Variants in GPC6 observed in about 807,000 individuals in gnomAD.
GPC6 encodes the protein glypican 6.
In GPC6, 14 loss-of-function variants were observed where a neutral mutation model predicts 55.2. The ratio of observed to expected loss-of-function variants is 0.25; its 90% CI spans 0.17 to 0.40. The LOEUF is 0.40. Ranked by LOEUF, GPC6 falls within the 10% of genes least tolerant of loss-of-function variation. The pLI is 1.00. For missense variants in GPC6, 641 were observed against 708.5 expected (o/e 0.90, Z 1.08); for synonymous variants, 278 against 259.6 (o/e 1.07, Z -0.68).
intron 6 of GPC6, among the ~76,000 whole-genome samples, chr13:94,309,201 G>A (rs535053267): frequency 6.6e-6 from 1 of 152,252 alleles, no homozygotes; most frequent in South Asian, 2.1e-4. Context: ...TGCTTCCAAG[G>A]ACGATATCAA....
rs1322625602 is a variant in GPC6 at position 93,523,416 on chromosome 13, C to T, written c.161-21847C>T. Among the ~76,000 whole-genome samples, 15 of 148,926 alleles carry T rather than the reference C, an allele frequency of 1.0e-4. No individual in the cohort carries two copies. The Admixed American group carries it at 1.0e-3, about 10-fold the overall frequency. On this transcript the variant is annotated intron_variant, in intron 1 of 8. Transcript: ENST00000377047. The stretch of plus-strand genomic sequence containing the variant: ...ATATATATCCTCTTTTAAATATTAT[C>T]CTTACAGTTGGTGTATGACATTTTA...
intron 3 of GPC6, among the ~76,000 whole-genome samples, chr13:94,025,046 G>A (rs922729836): frequency 2.6e-5 from 4 of 152,136 alleles, no homozygotes; most frequent in Non-Finnish European, 5.9e-5. Flanking sequence ...ACAGTCCTTG[G>A]CATCCAAGAG....
intron 5 of GPC6, among the ~76,000 whole-genome samples, chr13:94,288,894 A>AACAAATATATATATATTTGTT (rs1469554620): frequency 7.7e-6 from 1 of 129,754 alleles, no homozygotes; most frequent in Non-Finnish European, 1.6e-5. Context: ...TAATATATAT[A>AACAAATATATATATATTTGTT]ACAAATATAT....
chr13:94,382,500 A>T lies in GPC6; in HGVS notation c.1239A>T (p.Thr413=), dbSNP rs756654501. The change falls in exon 7 of 9, where the codon ACA becomes ACT. Residue 413 remains threonine, a synonymous_variant. Coordinates refer to ENST00000377047, the MANE Select transcript of GPC6 (RefSeq NM_005708.5). ...CTATCTGCAAGGACGAGAGCGTGAC[A>T]GCGGGCACGTCCAACGAGGAGGAAT... ...PYTICKDESV[T]AGTSNEEECW... The T allele has an allele frequency of 2.5e-6, 4 of 1,614,202 alleles. No homozygotes were observed. Among genetic ancestry groups the T allele is most frequent in the Non-Finnish European group, 3.4e-6 (4 of 1,180,030 alleles).
intron 4 of GPC6, among the ~76,000 whole-genome samples, chr13:94,258,617 G>A (rs533201878): frequency 5.3e-5 from 8 of 152,146 alleles, no homozygotes; most frequent in Non-Finnish European, 1.0e-4. Context: ...TAGGATAGAG[G>A]TATCTTCACG....
chr13:93,434,757 A>C (rs532686378), intron 1 of GPC6, among the ~76,000 whole-genome samples: 3 of 152,170 alleles, frequency 2.0e-5, no homozygotes. Context: ...GCCAGGCTGG[A>C]GTGCAGTGGC....
chr13:93,652,571 T>C (rs1594343677), intron 2 of GPC6, among the ~76,000 whole-genome samples: 1 of 152,318 alleles, frequency 6.6e-6, no homozygotes, highest in South Asian at 2.1e-4. Context: ...TTTTCAACTC[T>C]GTCCCCTTCT....
intron 6 of GPC6, among the ~76,000 whole-genome samples, chr13:94,328,891 T>C (rs1877267314): frequency 6.6e-6 from 1 of 152,110 alleles, no homozygotes; most frequent in Admixed American, 6.5e-5. Flanking sequence ...AAACCAGGGG[T>C]GAACTGCAGA....
intron 2 of GPC6, among the ~76,000 whole-genome samples, chr13:93,692,222 C>A (rs573853517): frequency 6.6e-6 from 1 of 152,180 alleles, no homozygotes; most frequent in African/African-American, 2.4e-5. Flanking sequence ...TGTATTCCAA[C>A]ATGACTGAAT....
At chr13:93,573,984 A>G (rs1031886254) in intron 2 of GPC6, among the ~76,000 whole-genome samples, 2 of 152,168 alleles carry the variant, frequency 1.3e-5, no homozygotes, top group African/African-American at 4.8e-5. Flanking sequence ...ATTGGTCATA[A>G]TAACACCCGA....
intron 1 of GPC6, among the ~76,000 whole-genome samples, chr13:93,438,499 G>C: frequency 6.6e-6 from 1 of 152,250 alleles, no homozygotes; most frequent in East Asian, 1.9e-4. Context: ...TGACTTAGGC[G>C]TTCAAGGCTT....
At chr13:93,653,235 A>C (rs954390021) in intron 2 of GPC6, among the ~76,000 whole-genome samples, 26 of 152,178 alleles carry the variant, frequency 1.7e-4, no homozygotes, top group African/African-American at 6.0e-4. Flanking sequence ...TATCATATGC[A>C]AGTTTCTCTC....
intron 3 of GPC6, among the ~76,000 whole-genome samples, chr13:93,881,901 A>G (rs972459598): frequency 6.6e-6 from 1 of 152,012 alleles, no homozygotes; most frequent in Non-Finnish European, 1.5e-5. Flanking sequence ...GACACATACA[A>G]TGTAATTTCA....
chr13:93,985,888 G>A (rs1294388524), intron 3 of GPC6, among the ~76,000 whole-genome samples: 3 of 152,046 alleles, frequency 2.0e-5, no homozygotes, highest in Non-Finnish European at 4.4e-5. Context: ...TACCAAGAAA[G>A]AATGGGGTTA....
chr13:93,253,403 G>A (rs1365273891), intron 1 of GPC6, among the ~76,000 whole-genome samples: 1 of 152,180 alleles, frequency 6.6e-6, no homozygotes. Context: ...TCTCTTACCT[G>A]TATCAGTGCA....
At chr13:93,776,237 A>G (rs867761244) in intron 2 of GPC6, among the ~76,000 whole-genome samples, 22 of 152,184 alleles carry the variant, frequency 1.4e-4, no homozygotes, top group South Asian at 8.3e-4. Flanking sequence ...TAGTGTTATT[A>G]TAATATAGCA....
intron 1 of GPC6, among the ~76,000 whole-genome samples, chr13:93,240,560 A>G (rs2139014703): frequency 6.6e-6 from 1 of 152,208 alleles, no homozygotes; most frequent in East Asian, 1.9e-4. Context: ...CTTGAAGGCA[A>G]CATATACTTA....
chr13:93,561,249 A>G lies in GPC6; in HGVS notation c.319+15828A>G, dbSNP rs9589768. Among the ~76,000 whole-genome samples, 521 of 152,068 alleles carry G rather than the reference A, an allele frequency of 3.4e-3. 5 individuals carry two copies. The highest frequency in any genetic ancestry group is 0.012 in the African/African-American group (503 of 41,452). On this transcript the variant is annotated intron_variant, in intron 2 of 8. Transcript: ENST00000377047. The stretch of plus-strand genomic sequence containing the variant: ...TCCTAAGTGATAATAGTAAATTTAA[A>G]GACTAATTAATTTCTTTCACTGGAA...
At chr13:94,172,345 C>T (rs1888600148) in intron 4 of GPC6, among the ~76,000 whole-genome samples, 2 of 151,766 alleles carry the variant, frequency 1.3e-5, no homozygotes, top group South Asian at 2.1e-4. Flanking sequence ...ACGAGATGAT[C>T]GAGTGATCTT....
Sources: gnomAD v4.1 joint callset for allele counts (sites outside exome capture counted in the v4.1 genomes callset) on GRCh38, gnomAD v4.1.1 for gene constraint, MANE v1.5 for transcripts, NCBI Gene and HGNC (gene_info 2026-07-23, HGNC 2026-07-21) for gene names.